The following TBC1D25 variants were observed in gnomAD, a reference collection of about 807,000 sequenced individuals.
The protein encoded by TBC1D25 is TBC1 domain family member 25, also known as 5SN3 snoRNA.
A neutral mutation model predicts 38.8 loss-of-function variants in TBC1D25; 13 were observed. That is an observed-to-expected ratio of 0.34 (90% confidence interval 0.22 to 0.53). The LOEUF (loss-of-function observed/expected upper bound fraction) is 0.53. Among genes scored for constraint, TBC1D25 ranks in the 20% least tolerant of loss-of-function variants. The pLI, the probability that TBC1D25 is intolerant of heterozygous loss-of-function variation, is 0.94. For synonymous variants in TBC1D25, 225 were observed against 255.6 expected, an observed-to-expected ratio of 0.88 and a Z score of 1.14; for missense variants, 372 against 600.0, an observed-to-expected ratio of 0.62 and a Z score of 3.97.
rs782375105 is a variant in TBC1D25 at position 48,559,605 on chromosome X, C to T, written c.706-9C>T. 6.7e-6 allele frequency: 8 copies of T among 1,202,709 alleles called. No homozygotes were observed. The African/African-American group carries it at 1.0e-4, about 16-fold the overall frequency. ...GAACTCCAGCCTCATCCCTTTCACCCCTGGGCAGGTGGTGTGGCGGTACCT... is the reference window on the plus strand; with the variant it reads ...GAACTCCAGCCTCATCCCTTTCACCTCTGGGCAGGTGGTGTGGCGGTACCT... On this transcript the variant is annotated splice_polypyrimidine_tract_variant and intron_variant, in intron 5 of 5. Transcript: ENST00000376771.
intron 2 of TBC1D25, among the ~76,000 whole-genome samples, chrX:48,543,099 A>T (rs1027947943): frequency 5.4e-5 from 6 of 111,005 alleles, no homozygotes; most frequent in Non-Finnish European, 9.4e-5. Context: ...GCTTGGTACT[A>T]TCTGCAGTTT....
intron 3 of TBC1D25, among the ~76,000 whole-genome samples, 184 bp from the exon 4 acceptor site, chrX:48,558,713 C>G (rs1421133206): frequency 8.9e-6 from 1 of 112,002 alleles, no homozygotes; most frequent in African/African-American, 3.2e-5. Context: ...CCTGAGACAT[C>G]TACTACAAAA....
rs1171349291 is a variant in TBC1D25, at chrX:48,562,355, G to T, written c.*1380G>T. On this transcript the variant is annotated 3_prime_UTR_variant, in exon 6 of 6. Transcript: ENST00000376771. Reference sequence around the variant, plus strand: ...CCCCAAGAATGCCATACAAACCTGGGGATGACCCTTAAAAGTCTCCCGTCA... The same window carrying T: ...CCCCAAGAATGCCATACAAACCTGGTGATGACCCTTAAAAGTCTCCCGTCA... 2.7e-5 allele frequency: 3 copies of T among 111,945 alleles called. No individual in the cohort carries two copies. Among genetic ancestry groups the T allele is most frequent in the Admixed American group, 9.5e-5 (1 of 10,507 alleles). 9.2% of individuals were successfully genotyped at this position (111,945 alleles called of 1,213,427 possible).
rs200003419 is a variant in TBC1D25, at chrX:48,547,545, GAAA to G, written c.388+2524_388+2526del. 6.2e-3 allele frequency among the ~76,000 whole-genome samples: 692 copies of G among 112,351 alleles called. 3 individuals carry two copies. Among genetic ancestry groups the G allele is most frequent in the Middle Eastern group, 0.014 (3 of 218 alleles). On this transcript the variant is annotated intron_variant, in intron 3 of 5. Transcript: ENST00000376771. The stretch of plus-strand genomic sequence containing the variant: ...TCTGCATGGCTACGAAACATGTGGA[GAAA>G]ACCCCAAGTGCATGAGAACTGGGAC...
chrX:48,559,265 G>A lies in TBC1D25; in HGVS notation c.624G>A (p.Leu208=). ...GCGATGCTGAGTTTCACACGTACCT[G>A]AACCACGAGGGCCAGCTCTCCCGAC... ...PLSDAEFHTY[L]NHEGQLSRPE... The change falls in exon 5 of 6, where the codon CTG becomes CTA. Residue 208 remains leucine (L), a synonymous_variant. Transcript: ENST00000376771. 5.0e-6 allele frequency: 6 copies of A among 1,211,130 alleles called. No homozygotes were observed. Among genetic ancestry groups the A allele is most frequent in the Non-Finnish European group, 5.6e-6 (5 of 895,288 alleles).
intron 3 of TBC1D25, among the ~76,000 whole-genome samples, chrX:48,553,616 C>CTT (rs1209605714): frequency 0.014 from 740 of 53,217 alleles, 12 homozygotes; most frequent in Non-Finnish European, 0.018. Context: ...TTTTCTTTTT[C>CTT]TTTTTTTTTT....
Position 48,562,453 on chromosome X carries a change from T to C in TBC1D25, c.*1478T>C, listed in dbSNP as rs782123610. ...TCACTTGAAGAACAGGACAAGACTA[T>C]TCTGTGTCTAGGGGGCTCAAGCACT... On this transcript the variant is annotated 3_prime_UTR_variant, in exon 6 of 6. Transcript: ENST00000376771. The C allele has an allele frequency of 3.6e-5, 4 of 111,955 alleles. No homozygotes were observed. Among genetic ancestry groups the C allele is most frequent in the South Asian group, 3.7e-4 (1 of 2,688 alleles). 9.2% of individuals were successfully genotyped at this position (111,955 alleles called of 1,213,427 possible). A position where few individuals can be genotyped will look rare whatever the true frequency, so the allele number is the denominator to read the frequency against.
intron 2 of TBC1D25, 123 bp downstream of exon 2, chrX:48,541,565 A>T: frequency 1.5e-6 from 1 of 676,797 alleles, no homozygotes; most frequent in Non-Finnish European, 2.4e-6. Context: ...GTGAACAGCC[A>T]CGTATGCATG....
rs782092696 is a variant in TBC1D25, at chrX:48,560,638, T to C, written c.1730T>C (p.Met577Thr). Residue 577 changes from methionine (M) to threonine (T), a missense_variant, in exon 6 of 6, where the codon ATG becomes ACG. This residue lies in a region of TBC1D25 where 312 missense variants were observed against 549.3 expected (regional missense o/e 0.57). Coordinates refer to ENST00000376771, the MANE Select transcript of TBC1D25 (RefSeq NM_002536.4). Reference protein sequence around the residue: ...STQEASPTGDMAVGSPLMQEV... With the variant: ...STQEASPTGDTAVGSPLMQEV... ...CAGGAGGCCTCTCCCACTGGTGATATGGCTGTAGGATCCCCCTTGATGCAA... is the reference window on the plus strand; with the variant it reads ...CAGGAGGCCTCTCCCACTGGTGATACGGCTGTAGGATCCCCCTTGATGCAA... 8 of 1,211,424 alleles carry C rather than the reference T, an allele frequency of 6.6e-6. No individual in the cohort carries two copies. The South Asian group carries it at 1.2e-4, about 19-fold the overall frequency.
chrX:48,556,108 G>A (rs1222036809), intron 3 of TBC1D25, among the ~76,000 whole-genome samples: 1 of 108,308 alleles, frequency 9.2e-6, no homozygotes, highest in African/African-American at 3.4e-5. Flanking sequence ...TATGCGTGTC[G>A]GGCTGGGGGA....
chrX:48,555,840 G>C (rs888573522), intron 3 of TBC1D25, among the ~76,000 whole-genome samples: 1 of 109,917 alleles, frequency 9.1e-6, no homozygotes, highest in Non-Finnish European at 1.9e-5. Flanking sequence ...ACTGTGCCTG[G>C]ATGTGCATGT....
chrX:48,547,893 G>A (rs1353994569), intron 3 of TBC1D25, among the ~76,000 whole-genome samples: 2 of 100,755 alleles, frequency 2.0e-5, no homozygotes, highest in African/African-American at 3.7e-5. Flanking sequence ...ATCCGAGCTC[G>A]TGCCACCGCA....
chrX:48,553,539 T>C (rs190978806), intron 3 of TBC1D25, among the ~76,000 whole-genome samples: 52 of 108,842 alleles, frequency 4.8e-4, no homozygotes, highest in African/African-American at 1.7e-3. Flanking sequence ...GAAGCAGAAG[T>C]CTGTTGCTTG....
chrX:48,542,798 G>A (rs916231345), intron 2 of TBC1D25, among the ~76,000 whole-genome samples: 5 of 110,580 alleles, frequency 4.5e-5, no homozygotes, highest in African/African-American at 9.9e-5. Context: ...ACAGGGTTTC[G>A]CCATGTTGCC....
chrX:48,561,113 T>A lies in TBC1D25; in HGVS notation c.*138T>A. 1 of 716,691 alleles carries A rather than the reference T, an allele frequency of 1.4e-6. No homozygotes were observed. Among genetic ancestry groups the A allele is most frequent in the Non-Finnish European group, 2.0e-6 (1 of 506,568 alleles). 59.1% of individuals were successfully genotyped at this position (716,691 alleles called of 1,213,427 possible). On this transcript the variant is annotated 3_prime_UTR_variant, in exon 6 of 6. Coordinates refer to ENST00000376771, the MANE Select transcript of TBC1D25 (RefSeq NM_002536.4). ...GCATAGAGCCCTTCCTCCCCAGGCCTAAGTATGTGGAGCTCTGCTTTGGCA... is the reference window on the plus strand; with the variant it reads ...GCATAGAGCCCTTCCTCCCCAGGCCAAAGTATGTGGAGCTCTGCTTTGGCA...
intron 3 of TBC1D25, among the ~76,000 whole-genome samples, chrX:48,546,212 CAAA>C (rs782072122): frequency 3.5e-5 from 2 of 57,047 alleles, no homozygotes; most frequent in African/African-American, 7.2e-5. Flanking sequence ...GACTTCATCT[CAAA>C]AAAAAAAAAA....
At chrX:48,557,535 C>T (rs1431083517) in intron 3 of TBC1D25, among the ~76,000 whole-genome samples, 4 of 109,397 alleles carry the variant, frequency 3.7e-5, no homozygotes, top group Non-Finnish European at 7.6e-5. Flanking sequence ...CCCAGCTACT[C>T]GGGAGGCTGA....
intron 3 of TBC1D25, 50 bp from the exon 4 acceptor site, chrX:48,558,847 G>T (rs782422113): frequency 8.3e-7 from 1 of 1,201,860 alleles, no homozygotes; most frequent in Non-Finnish European, 1.1e-6. Context: ...CCGGCCCTGA[G>T]GTCTGGGTTA....
intron 2 of TBC1D25, among the ~76,000 whole-genome samples, chrX:48,543,889 A>G (rs956363258): frequency 9.1e-6 from 1 of 109,984 alleles, no homozygotes; most frequent in Non-Finnish European, 1.9e-5. Flanking sequence ...GTCTCAAAAA[A>G]AAAAAAAAAC....
Sources: allele counts gnomAD v4.1 joint callset (sites outside exome capture counted in the v4.1 genomes callset), GRCh38; gene constraint gnomAD v4.1.1; regional missense constraint gnomAD v4.1.1; transcripts MANE v1.5; gene names NCBI Gene and HGNC (gene_info 2026-07-23, HGNC 2026-07-21).